MAGI1: variants seen among roughly 807,000 people sequenced by gnomAD.
The protein encoded by MAGI1 is membrane associated guanylate kinase, WW and PDZ domain containing 1.
A neutral mutation model predicts 139.9 loss-of-function variants in MAGI1; 58 were observed. The ratio of observed to expected loss-of-function variants is 0.41; its 90% CI spans 0.34 to 0.52. The LOEUF (loss-of-function observed/expected upper bound fraction) is 0.52, where lower values mean the gene tolerates loss of function less well. Ranked by LOEUF, MAGI1 falls within the 20% of genes least tolerant of loss-of-function variation. The pLI, the probability that MAGI1 is intolerant of heterozygous loss-of-function variation, is 0.12. For synonymous variants in MAGI1, 812 were observed against 737.9 expected (o/e 1.10, Z -1.63); for missense variants, 1,874 against 1,901.6 (o/e 0.99, Z 0.27).
intron 1 of MAGI1, among the ~76,000 whole-genome samples, chr3:65,637,542 A>ACCCT (rs1256990573): frequency 6.8e-6 from 1 of 147,200 alleles, no homozygotes; most frequent in Non-Finnish European, 1.5e-5. Context: ...TGACATTGAG[A>ACCCT]CCCTGTCTCC....
At chr3:65,822,154 G>A (rs929581534) in intron 1 of MAGI1, among the ~76,000 whole-genome samples, 1 of 152,148 alleles carries the variant, frequency 6.6e-6, no homozygotes, top group African/African-American at 2.4e-5. Context: ...TAAATTCCAG[G>A]AAGAAAGAGA....
intron 1 of MAGI1, among the ~76,000 whole-genome samples, chr3:65,742,818 A>G (rs2035388216): frequency 6.6e-6 from 1 of 152,206 alleles, no homozygotes; most frequent in Admixed American, 6.5e-5. Flanking sequence ...CATTTGTCAT[A>G]CAGTCAATCA....
chr3:65,505,996 C>T (rs2077270853), intron 2 of MAGI1, among the ~76,000 whole-genome samples: 1 of 152,124 alleles, frequency 6.6e-6, no homozygotes, highest in Admixed American at 6.6e-5. Context: ...TTCATTAGTC[C>T]TCCCAATATG....
chr3:65,754,932 A>ATATT (rs1397699749), intron 1 of MAGI1, among the ~76,000 whole-genome samples: 2 of 151,702 alleles, frequency 1.3e-5, no homozygotes, highest in African/African-American at 2.4e-5. Flanking sequence ...CACAAATAGT[A>ATATT]TATTTATTTA....
chr3:65,478,942 G>C (rs568396867), intron 3 of MAGI1, 144 bp from the exon 4 acceptor site: 4 of 647,460 alleles, frequency 6.2e-6, no homozygotes, highest in East Asian at 2.7e-5. Context: ...TTCTGGAGTG[G>C]GTTAGAAGAG....
intron 2 of MAGI1, among the ~76,000 whole-genome samples, chr3:65,515,830 T>C (rs1339512852): frequency 2.6e-5 from 4 of 152,148 alleles, no homozygotes; most frequent in Non-Finnish European, 4.4e-5. Flanking sequence ...GGTATTGCTA[T>C]TTTTTACAAC....
At chr3:65,971,179 GAA>G in intron 1 of MAGI1, among the ~76,000 whole-genome samples, 1 of 152,224 alleles carries the variant, frequency 6.6e-6, no homozygotes, top group East Asian at 1.9e-4. Context: ...CTCCAGCCTG[GAA>G]ACAGAGCGAG....
At position 65,395,912 on chromosome 3, in the gene MAGI1, G is replaced by A. The variant is rs528561753; in HGVS notation, c.2200-4554C>T. ...GTGAATGGATTGGTGGGGAAGAGGA[G>A]TGAATGCGGAGAGGCCAGTCAGGAA... is the stretch of plus-strand genomic sequence containing the variant. On this transcript the variant is annotated intron_variant, in intron 13 of 22. Transcript: ENST00000402939. 3.9e-5 allele frequency among the ~76,000 whole-genome samples: 6 copies of A among 152,158 alleles called. 1 individual carries two copies. The East Asian group carries it at 1.2e-3, about 30-fold the overall frequency.
At position 65,866,856 on chromosome 3, in the gene MAGI1, G is replaced by A. The variant is rs141653494; in HGVS notation, c.313+171140C>T. On this transcript the variant is annotated intron_variant, in intron 1 of 22. Coordinates refer to ENST00000402939, the MANE Select transcript of MAGI1 (RefSeq NM_001033057.2). Reference sequence around the variant, plus strand: ...CAAGAGCAAAAGAAGTCAGCTACTCGGTGTAAACAGGGAAGAAGGGAGGCA... The same window carrying A: ...CAAGAGCAAAAGAAGTCAGCTACTCAGTGTAAACAGGGAAGAAGGGAGGCA... 2.1e-3 allele frequency among the ~76,000 whole-genome samples: 315 copies of A among 152,278 alleles called. 1 individual carries two copies. The highest frequency in any genetic ancestry group is 3.8e-3 in the Non-Finnish European group (258 of 68,026).
intron 4 of MAGI1, among the ~76,000 whole-genome samples, chr3:65,478,362 C>A (rs551802746): frequency 6.6e-6 from 1 of 152,182 alleles, no homozygotes; most frequent in East Asian, 1.9e-4. Flanking sequence ...ACATTCACCC[C>A]CAGCTCCTTT....
At chr3:65,839,260 A>G (rs545012386) in intron 1 of MAGI1, among the ~76,000 whole-genome samples, 7 of 152,324 alleles carry the variant, frequency 4.6e-5, no homozygotes, top group Admixed American at 1.3e-4. Context: ...TACTGATGTA[A>G]AAAAAACCTA....
intron 2 of MAGI1, among the ~76,000 whole-genome samples, chr3:65,602,709 C>T (rs2082539842): frequency 6.6e-6 from 1 of 151,590 alleles, no homozygotes; most frequent in Non-Finnish European, 1.5e-5. Context: ...TTCAATAAAA[C>T]TATTTTTAAA....
At chr3:65,383,826 A>C (rs1274755408) in intron 14 of MAGI1, among the ~76,000 whole-genome samples, 1 of 152,228 alleles carries the variant, frequency 6.6e-6, no homozygotes, top group African/African-American at 2.4e-5. Flanking sequence ...ACTGAGCCCT[A>C]AAGTTCTTCA....
At chr3:65,583,866 T>A (rs896703802) in intron 2 of MAGI1, among the ~76,000 whole-genome samples, 2 of 152,170 alleles carry the variant, frequency 1.3e-5, no homozygotes, top group Admixed American at 6.5e-5. Flanking sequence ...AAAAGCTCTG[T>A]CATTTTCTCC....
intron 2 of MAGI1, among the ~76,000 whole-genome samples, chr3:65,591,198 A>G (rs943870870): frequency 2.0e-5 from 3 of 152,104 alleles, no homozygotes; most frequent in African/African-American, 7.2e-5. Context: ...CAAGCTCACT[A>G]TGTCCAAAAT....
chr3:65,567,885 T>A (rs1309485738), intron 2 of MAGI1, among the ~76,000 whole-genome samples: 1 of 152,096 alleles, frequency 6.6e-6, no homozygotes, highest in Admixed American at 6.6e-5. Flanking sequence ...TCTTCATACG[T>A]TGCTGTAACG....
At chr3:65,950,518 G>A (rs1001591645) in intron 1 of MAGI1, among the ~76,000 whole-genome samples, 1 of 152,118 alleles carries the variant, frequency 6.6e-6, no homozygotes, top group Non-Finnish European at 1.5e-5. Context: ...AATGTGCCCT[G>A]CAGCTCACCC....
intron 1 of MAGI1, among the ~76,000 whole-genome samples, chr3:65,624,463 G>A (rs1444148607): frequency 2.0e-5 from 3 of 152,182 alleles, no homozygotes; most frequent in East Asian, 3.8e-4. Context: ...ACTAATGCAT[G>A]CATTAATACT....
intron 2 of MAGI1, chr3:65,619,904 C>T: frequency 1.0e-6 from 1 of 985,156 alleles, no homozygotes. Context: ...TCCTGATTTA[C>T]TGGTTTCACA....
Sources: allele counts gnomAD v4.1 joint callset (sites outside exome capture counted in the v4.1 genomes callset), GRCh38; gene constraint gnomAD v4.1.1; transcripts MANE v1.5; gene names NCBI Gene and HGNC (gene_info 2026-07-23, HGNC 2026-07-21).